Variants in SKAP1 observed in about 807,000 individuals in gnomAD.
The protein encoded by SKAP1 is src kinase-associated phosphoprotein 1.
A neutral mutation model predicts 58.5 loss-of-function variants in SKAP1; 44 were observed. That is an observed-to-expected ratio of 0.75 (90% CI 0.59 to 0.97). SKAP1 has a LOEUF of 0.97. SKAP1 is among the 50% of genes least tolerant of loss of function. The pLI is 0.00. For missense variants in SKAP1, 390 were observed against 435.2 expected, an observed-to-expected ratio of 0.90 and a Z score of 0.92; for synonymous variants, 127 against 149.7, an observed-to-expected ratio of 0.85 and a Z score of 1.11.
rs544472387 is a variant in SKAP1, at chr17:48,217,529, C to T, written c.281-28029G>A. On this transcript the variant is annotated intron_variant, in intron 4 of 12. Transcript: ENST00000336915. ...TGGCCTGGTGGTGTGCACCTGTAGT[C>T]CCAGCTGCTCGGGAGGCTGAGGTGA... Among the ~76,000 whole-genome samples the T allele has an allele frequency of 5.9e-5, 9 of 152,202 alleles. No individual in the cohort carries two copies. The South Asian group carries it at 1.5e-3, about 25-fold the overall frequency.
At chr17:48,395,611 T>C (rs2067407822) in intron 2 of SKAP1, among the ~76,000 whole-genome samples, 1 of 152,206 alleles carries the variant, frequency 6.6e-6, no homozygotes, top group Non-Finnish European at 1.5e-5. Context: ...TCTTTCAACC[T>C]ACCAAAAATT....
At chr17:48,147,042 A>G (rs1486287982) in intron 11 of SKAP1, among the ~76,000 whole-genome samples, 1 of 152,196 alleles carries the variant, frequency 6.6e-6, no homozygotes, top group Non-Finnish European at 1.5e-5. Context: ...TAAAGCTCCT[A>G]ACAGAAACAT....
At chr17:48,146,973 C>T (rs1345446060) in intron 11 of SKAP1, among the ~76,000 whole-genome samples, 1 of 152,180 alleles carries the variant, frequency 6.6e-6, no homozygotes, top group East Asian at 1.9e-4. Flanking sequence ...GTGGTGTCTT[C>T]TCACAGTTTC....
At chr17:48,434,315 C>T (rs2067931027), upstream of SKAP1, among the ~76,000 whole-genome samples, 1 of 152,202 alleles carries the variant, frequency 6.6e-6, no homozygotes, top group South Asian at 2.1e-4. Context: ...GCTCCAGAAA[C>T]CAAGCATCAT....
In SKAP1 at chr17:48,287,098, A is replaced by AAAATAAATAAATAAAT. The variant is rs57589895; in HGVS notation, c.280+58791_280+58806dup. Among the ~76,000 whole-genome samples, 381 of 147,002 alleles carry AAAATAAATAAATAAAT rather than the reference A, an allele frequency of 2.6e-3. 1 individual carries two copies. Among genetic ancestry groups the AAAATAAATAAATAAAT allele is most frequent in the African/African-American group, 7.0e-3 (276 of 39,244 alleles). Reference sequence around the variant, plus strand: ...GGCGACAGAGCAAGACTCCGTCTCAAAAATAAATAAATAAATAAATAAATA... The same window carrying AAAATAAATAAATAAAT: ...GGCGACAGAGCAAGACTCCGTCTCAAAAATAAATAAATAAATAAATAAATAAATAAATAAATAAATA... On this transcript the variant is annotated intron_variant, in intron 4 of 12. Transcript: ENST00000336915.
At chr17:48,238,682 T>A (rs2065209824) in intron 4 of SKAP1, among the ~76,000 whole-genome samples, 1 of 152,166 alleles carries the variant, frequency 6.6e-6, no homozygotes, top group East Asian at 1.9e-4. Context: ...TGAGATAGGT[T>A]TAAATAGTCA....
At chr17:48,238,641 G>T (rs554286768) in intron 4 of SKAP1, among the ~76,000 whole-genome samples, 3 of 152,228 alleles carry the variant, frequency 2.0e-5, no homozygotes, top group South Asian at 2.1e-4. Context: ...CCAAAGTATT[G>T]GGATTACAGG....
chr17:48,272,529 A>G (rs2065646259), intron 4 of SKAP1, among the ~76,000 whole-genome samples: 1 of 152,006 alleles, frequency 6.6e-6, no homozygotes, highest in Non-Finnish European at 1.5e-5. Flanking sequence ...GAACTATCTA[A>G]GTAAAGATGA....
At chr17:48,329,723 CA>C (rs968211229) in intron 4 of SKAP1, among the ~76,000 whole-genome samples, 23 of 151,872 alleles carry the variant, frequency 1.5e-4, no homozygotes, top group Non-Finnish European at 1.8e-4. Flanking sequence ...AACAAAAAAA[CA>C]AAAAACAATC....
chr17:48,315,797 T>G (rs980474987), intron 4 of SKAP1, among the ~76,000 whole-genome samples: 1 of 152,190 alleles, frequency 6.6e-6, no homozygotes, highest in Non-Finnish European at 1.5e-5. Context: ...TGTACAAAAT[T>G]ATTTAAAATC....
At chr17:48,287,735 A>T (rs759448517) in intron 4 of SKAP1, among the ~76,000 whole-genome samples, 3 of 152,330 alleles carry the variant, frequency 2.0e-5, no homozygotes, top group Non-Finnish European at 4.4e-5. Context: ...TCTAGAGTTC[A>T]TTAGCTTATC....
Position 48,321,259 on chromosome 17 carries a change from TAGAG to T in SKAP1, c.280+24642_280+24645del, listed in dbSNP as rs766530469. Among the ~76,000 whole-genome samples, 8 of 152,142 alleles carry T rather than the reference TAGAG, an allele frequency of 5.3e-5. No individual in the cohort carries two copies. In the East Asian group the frequency reaches 5.8e-4, roughly 11 times the overall value. ...ATATAAATATGTAACTTGTTCAAGA[TAGAG>T]AGATAGTTAGCCACCCTATTTTAAA... is the stretch of plus-strand genomic sequence containing the variant. On this transcript the variant is annotated intron_variant, in intron 4 of 12. Transcript: ENST00000336915.
chr17:48,387,706 T>C (rs2067295018), intron 2 of SKAP1, among the ~76,000 whole-genome samples: 1 of 152,254 alleles, frequency 6.6e-6, no homozygotes, highest in South Asian at 2.1e-4. Flanking sequence ...TCATTTTTAA[T>C]ACCATAAAAT....
intron 3 of SKAP1, among the ~76,000 whole-genome samples, chr17:48,356,300 A>C (rs935514970): frequency 1.3e-5 from 2 of 152,174 alleles, no homozygotes; most frequent in Admixed American, 6.5e-5. Context: ...AGATAGATAG[A>C]TGAAAACTTG....
intron 2 of SKAP1, among the ~76,000 whole-genome samples, chr17:48,391,875 T>C (rs1450753301): frequency 2.0e-5 from 3 of 151,880 alleles, no homozygotes; most frequent in Non-Finnish European, 4.4e-5. Context: ...GAGTAAATCT[T>C]GAAACTTGTG....
intron 2 of SKAP1, chr17:48,382,412 A>C (rs2067227414): frequency 6.6e-6 from 1 of 152,224 alleles, no homozygotes; most frequent in Admixed American, 6.5e-5. Context: ...CTCCCAGAGG[A>C]AGAGAAGAAT....
intron 4 of SKAP1, among the ~76,000 whole-genome samples, chr17:48,213,249 G>A (rs1057467876): frequency 1.6e-4 from 25 of 151,582 alleles, no homozygotes; most frequent in African/African-American, 5.8e-4. Context: ...GGCTGAGGTA[G>A]GAGAATCGCT....
At chr17:48,364,911 C>T (rs949993015) in intron 2 of SKAP1, among the ~76,000 whole-genome samples, 2 of 151,696 alleles carry the variant, frequency 1.3e-5, no homozygotes, top group African/African-American at 2.4e-5. Flanking sequence ...TGAGACTAGG[C>T]CTTGCTCTAT....
intron 11 of SKAP1, among the ~76,000 whole-genome samples, chr17:48,158,198 A>AATT (rs1491223056): frequency 3.8e-5 from 5 of 130,852 alleles, no homozygotes; most frequent in Admixed American, 8.0e-5. Flanking sequence ...AAAAAAAAAA[A>AATT]TGCGATAAAT....
Sources: gnomAD v4.1 joint callset for allele counts (sites outside exome capture counted in the v4.1 genomes callset) on GRCh38, gnomAD v4.1.1 for gene constraint, MANE v1.5 for transcripts, NCBI Gene and HGNC (gene_info 2026-07-23, HGNC 2026-07-21) for gene names.